Variants in TMEM135 observed in about 807,000 individuals in gnomAD.
TMEM135 encodes the protein transmembrane protein 135.
In TMEM135, 30 loss-of-function variants were observed where a neutral mutation model predicts 60.3. The ratio of observed to expected loss-of-function variants is 0.50; its 90% CI spans 0.37 to 0.68. TMEM135 has a LOEUF of 0.68. Ranked by LOEUF, TMEM135 falls within the 30% of genes least tolerant of loss-of-function variation. TMEM135 has a pLI of 0.00. For missense variants in TMEM135, 468 were observed against 548.8 expected (o/e 0.85, Z 1.47); for synonymous variants, 190 against 186.7 (o/e 1.02, Z -0.14).
In TMEM135 at chr11:87,037,998, C is replaced by T. The variant is rs200555782; in HGVS notation, c.-48C>T. 228 of 1,611,260 alleles carry T rather than the reference C, an allele frequency of 1.4e-4. 1 individual carries two copies. Among genetic ancestry groups the T allele is most frequent in the South Asian group, 6.8e-4 (62 of 91,062 alleles). On this transcript the variant is annotated 5_prime_UTR_variant, in exon 1 of 15. Coordinates refer to ENST00000305494, the MANE Select transcript of TMEM135 (RefSeq NM_022918.4). ...GGCTGGGCTCTCGCGCCCCTCCCTG[C>T]AGGGCTCAGGCTCTCCCCCTCCTGT...
intron 5 of TMEM135, among the ~76,000 whole-genome samples, chr11:87,159,806 A>T (rs580120): frequency 0.37 from 55,932 of 151,968 alleles, 10,835 homozygotes; most frequent in East Asian, 0.67. Flanking sequence ...TTCTACTTGG[A>T]TTGTGCTAAA....
chr11:87,160,553 T>C (rs1351087296), intron 5 of TMEM135, among the ~76,000 whole-genome samples: 2 of 152,322 alleles, frequency 1.3e-5, no homozygotes, highest in South Asian at 4.1e-4. Flanking sequence ...CTATGCAATA[T>C]AATTGCCCTG....
At chr11:87,298,805 C>G (rs1429736138) in intron 7 of TMEM135, among the ~76,000 whole-genome samples, 4 of 40,710 alleles carry the variant, frequency 9.8e-5, no homozygotes, top group African/African-American at 3.7e-4. Context: ...AAAAAAAAAA[C>G]AGCCGGGCAC....
At chr11:87,191,986 TC>T (rs1390825614) in intron 5 of TMEM135, among the ~76,000 whole-genome samples, 1,363 of 122,862 alleles carry the variant, frequency 0.011, 64 homozygotes, top group African/African-American at 0.042. Flanking sequence ...TCTTTTCTTT[TC>T]TTTTTTTTTT....
intron 4 of TMEM135, among the ~76,000 whole-genome samples, chr11:87,148,373 T>C (rs1322356619): frequency 1.3e-5 from 2 of 152,208 alleles, no homozygotes; most frequent in Non-Finnish European, 2.9e-5. Context: ...GGCAGAATGC[T>C]ATTAGAATGA....
intron 5 of TMEM135, among the ~76,000 whole-genome samples, chr11:87,225,190 T>A (rs1591118045): frequency 2.0e-5 from 3 of 152,150 alleles, no homozygotes; most frequent in Admixed American, 6.5e-5. Context: ...TTAAAAGTAC[T>A]TGAGAGAAAT....
chr11:87,276,554 GTGTT>G (rs1421960051), intron 6 of TMEM135, among the ~76,000 whole-genome samples: 15 of 149,972 alleles, frequency 1.0e-4, no homozygotes, highest in East Asian at 1.9e-4. Context: ...TTATATAAGA[GTGTT>G]TGTGTGTGTG....
chr11:87,216,533 T>C (rs1444815861), intron 5 of TMEM135, among the ~76,000 whole-genome samples: 3 of 152,174 alleles, frequency 2.0e-5, no homozygotes. Flanking sequence ...ATCAGGACTT[T>C]AGGGTACCTT....
At chr11:87,115,725 A>G (rs1440165771) in intron 4 of TMEM135, among the ~76,000 whole-genome samples, 2 of 152,074 alleles carry the variant, frequency 1.3e-5, no homozygotes, top group African/African-American at 4.8e-5. Flanking sequence ...TAACATCAAC[A>G]TTTTTCTTTT....
At chr11:87,064,387 T>C (rs1856606175) in intron 1 of TMEM135, among the ~76,000 whole-genome samples, 1 of 152,176 alleles carries the variant, frequency 6.6e-6, no homozygotes, top group African/African-American at 2.4e-5. Context: ...TTTCTCCCAA[T>C]TGTTTCATCT....
At chr11:87,148,570 T>A (rs1390671288) in intron 4 of TMEM135, among the ~76,000 whole-genome samples, 2 of 152,198 alleles carry the variant, frequency 1.3e-5, no homozygotes, top group African/African-American at 2.4e-5. Context: ...ATTGCATATT[T>A]TATTTTAAGT....
intron 4 of TMEM135, among the ~76,000 whole-genome samples, chr11:87,138,880 C>G (rs1168448928): frequency 6.6e-6 from 1 of 152,122 alleles, no homozygotes; most frequent in Non-Finnish European, 1.5e-5. Flanking sequence ...TATACTAGAG[C>G]AGTGGTTCTT....
intron 1 of TMEM135, among the ~76,000 whole-genome samples, chr11:87,056,055 G>A (rs2135121742): frequency 6.6e-6 from 1 of 152,240 alleles, no homozygotes; most frequent in East Asian, 1.9e-4. Context: ...TGTATATAGG[G>A]GGAGGTGTGC....
At chr11:87,125,753 T>C (rs1051443195) in intron 4 of TMEM135, among the ~76,000 whole-genome samples, 1 of 152,164 alleles carries the variant, frequency 6.6e-6, no homozygotes, top group Non-Finnish European at 1.5e-5. Context: ...GAAGTAATTG[T>C]AAAGGGGATG....
chr11:87,261,879 C>T (rs1165514082), intron 6 of TMEM135, among the ~76,000 whole-genome samples: 1 of 152,134 alleles, frequency 6.6e-6, no homozygotes, highest in Non-Finnish European at 1.5e-5. Flanking sequence ...CCTGCCTTGG[C>T]CTGCCAAAGT....
chr11:87,265,392 G>A (rs1941728024), intron 6 of TMEM135, among the ~76,000 whole-genome samples: 1 of 151,932 alleles, frequency 6.6e-6, no homozygotes. Flanking sequence ...TTTTCATTCT[G>A]AAAGAGAACA....
intron 5 of TMEM135, among the ~76,000 whole-genome samples, chr11:87,220,789 T>G (rs1940601891): frequency 1.3e-5 from 2 of 152,192 alleles, no homozygotes; most frequent in Admixed American, 1.3e-4. Flanking sequence ...ATAACTTATA[T>G]GAGTGATTAA....
chr11:87,103,667 CT>C (rs1466631676), intron 4 of TMEM135, among the ~76,000 whole-genome samples: 1 of 149,942 alleles, frequency 6.7e-6, no homozygotes, highest in African/African-American at 2.4e-5. Flanking sequence ...GGGTTGTCTC[CT>C]TTTTTTTTGA....
rs148062489 is a variant in TMEM135 at position 87,220,446 on chromosome 11, G to T, written c.463-16192G>T. On this transcript the variant is annotated intron_variant, in intron 5 of 14. Coordinates refer to ENST00000305494, the MANE Select transcript of TMEM135 (RefSeq NM_022918.4). The stretch of plus-strand genomic sequence containing the variant: ...TAATTAAATTTTGAAGACTGAGAAG[G>T]CCAGGTCATATCACTTTCAAAGTGC... 6.6e-5 allele frequency among the ~76,000 whole-genome samples: 10 copies of T among 152,256 alleles called. No homozygotes were observed. The East Asian group carries it at 1.9e-3, about 29-fold the overall frequency.
Sources: gnomAD v4.1 joint callset for allele counts (sites outside exome capture counted in the v4.1 genomes callset) on GRCh38, gnomAD v4.1.1 for gene constraint, MANE v1.5 for transcripts, NCBI Gene and HGNC (gene_info 2026-07-23, HGNC 2026-07-21) for gene names.